The following FBXO36 variants were observed in gnomAD, a reference collection of about 807,000 sequenced individuals.
The protein encoded by FBXO36 is F-box protein 36, also known as F-box only protein 36.
FBXO36 carries 18 observed loss-of-function variants against 17.0 expected under a neutral mutation model. The ratio of observed to expected loss-of-function variants is 1.06; its 90% CI spans 0.73 to 1.57. The LOEUF is 1.57. FBXO36 is among the 40% of genes most tolerant of loss of function. FBXO36 has a pLI of 0.00. For missense variants in FBXO36, 229 were observed against 221.9 expected, an observed-to-expected ratio of 1.03 and a Z score of -0.20; for synonymous variants, 83 against 85.3, an observed-to-expected ratio of 0.97 and a Z score of 0.15.
At chr2:229,931,636 C>T (rs1340992970) in intron 1 of FBXO36, among the ~76,000 whole-genome samples, 1 of 152,068 alleles carries the variant, frequency 6.6e-6, no homozygotes, top group Non-Finnish European at 1.5e-5. Flanking sequence ...ATCAGGGGTT[C>T]GAGACCAGCC....
Position 230,003,553 on chromosome 2 carries a change from C to T in FBXO36, c.378+6630C>T, listed in dbSNP as rs539277342. On this transcript the variant is annotated intron_variant, in intron 3 of 3. Transcript: ENST00000283946. Reference sequence around the variant, plus strand: ...GTTCTTCTTCTTTTTTTTTTTTTGACACGGAGTCTTGCTGTGTTGCCCAGG... The same window carrying T: ...GTTCTTCTTCTTTTTTTTTTTTTGATACGGAGTCTTGCTGTGTTGCCCAGG... Among the ~76,000 whole-genome samples, 518 of 148,388 alleles carry T rather than the reference C, an allele frequency of 3.5e-3. 5 individuals are homozygous for T. Among genetic ancestry groups the T allele is most frequent in the African/African-American group, 0.012 (494 of 40,292 alleles).
Position 229,954,715 on chromosome 2 carries a change from T to C in FBXO36, c.97-21526T>C, listed in dbSNP as rs566177772. Among the ~76,000 whole-genome samples the C allele has an allele frequency of 3.4e-4, 49 of 145,302 alleles. 1 individual carries two copies. The highest frequency in any genetic ancestry group is 1.2e-3 in the African/African-American group (48 of 39,018). ...GGCACCCGCCATCACGCCTGGCTAATTTTTTGTATTTTTAGTGGAGACGGG... is the reference window on the plus strand; with the variant it reads ...GGCACCCGCCATCACGCCTGGCTAACTTTTTGTATTTTTAGTGGAGACGGG... On this transcript the variant is annotated intron_variant, in intron 1 of 3. Coordinates refer to ENST00000283946, the MANE Select transcript of FBXO36 (RefSeq NM_174899.5).
intron 2 of FBXO36, among the ~76,000 whole-genome samples, chr2:229,996,281 TAA>T (rs1371638660): frequency 4.7e-5 from 7 of 149,692 alleles, no homozygotes; most frequent in Non-Finnish European, 8.9e-5. Flanking sequence ...AAAAAAAAAA[TAA>T]GTTAAATAAG....
At chr2:229,956,296 T>C (rs1360751524) in intron 1 of FBXO36, among the ~76,000 whole-genome samples, 1 of 152,232 alleles carries the variant, frequency 6.6e-6, no homozygotes, top group African/African-American at 2.4e-5. Flanking sequence ...TGCTGTGTCC[T>C]GCCATGGTCT....
intron 3 of FBXO36, among the ~76,000 whole-genome samples, chr2:230,008,407 A>G (rs720041): frequency 0.28 from 41,907 of 152,066 alleles, 6,088 homozygotes; most frequent in Middle Eastern, 0.38. Flanking sequence ...TGAGTAGCCA[A>G]AACTATAGAA....
chr2:229,983,008 G>A (rs970114258), intron 2 of FBXO36, among the ~76,000 whole-genome samples: 2 of 151,902 alleles, frequency 1.3e-5, no homozygotes, highest in African/African-American at 4.8e-5. Context: ...TTTGAGACAG[G>A]ATCTCACTCT....
intron 1 of FBXO36, among the ~76,000 whole-genome samples, chr2:229,924,076 C>G (rs1017289991): frequency 2.1e-5 from 3 of 146,268 alleles, no homozygotes; most frequent in Non-Finnish European, 4.5e-5. Context: ...ATTGATTTTT[C>G]CATTTGTTTT....
At chr2:229,975,224 C>T (rs2077201038) in intron 1 of FBXO36, among the ~76,000 whole-genome samples, 1 of 152,104 alleles carries the variant, frequency 6.6e-6, no homozygotes, top group South Asian at 2.1e-4. Context: ...TGTGTAATGA[C>T]ACTTTTTCAT....
At chr2:229,939,250 G>C (rs960623765) in intron 1 of FBXO36, 10 of 985,042 alleles carry the variant, frequency 1.0e-5, no homozygotes, top group Non-Finnish European at 1.2e-5. Context: ...TCGTAATAAT[G>C]TTTCAAGGAT....
chr2:229,998,341 G>A (rs1020367080), intron 3 of FBXO36, among the ~76,000 whole-genome samples: 3 of 151,962 alleles, frequency 2.0e-5, no homozygotes, highest in South Asian at 4.2e-4. Context: ...TGAGTGTTAT[G>A]GCCGGGCGCG....
chr2:229,947,471 C>A (rs1207636944), intron 1 of FBXO36, among the ~76,000 whole-genome samples: 2 of 152,176 alleles, frequency 1.3e-5, no homozygotes, highest in Non-Finnish European at 2.9e-5. Flanking sequence ...ACTCCTTGGC[C>A]TTCTATGCCA....
intron 1 of FBXO36, among the ~76,000 whole-genome samples, chr2:229,949,741 C>G (rs950979472): frequency 1.3e-5 from 2 of 151,834 alleles, no homozygotes; most frequent in Middle Eastern, 3.2e-3. Flanking sequence ...CTGGCTGACA[C>G]GGTGAAACCC....
intron 1 of FBXO36, among the ~76,000 whole-genome samples, chr2:229,930,549 G>A (rs1222445709): frequency 1.3e-5 from 2 of 151,890 alleles, no homozygotes; most frequent in African/African-American, 2.4e-5. Flanking sequence ...TCGGGAGGTC[G>A]AGACCAGCCT....
chr2:230,005,778 C>T (rs2077384204), intron 3 of FBXO36, among the ~76,000 whole-genome samples: 1 of 152,184 alleles, frequency 6.6e-6, no homozygotes, highest in Non-Finnish European at 1.5e-5. Flanking sequence ...AGTGATTCTC[C>T]TGCCTCAGCC....
chr2:230,010,756 C>T lies in FBXO36; in HGVS notation c.439C>T (p.Pro147Ser), dbSNP rs942514590. 3 of 1,613,844 alleles carry T rather than the reference C, an allele frequency of 1.9e-6. No homozygotes were observed. The highest frequency in any genetic ancestry group is 2.5e-6 in the Non-Finnish European group (3 of 1,179,860). Residue 147 changes from proline (P) to serine (S), a missense_variant, in exon 4 of 4, where the codon CCT becomes TCT. Physicochemically the swap from Pro to Ser is moderately conservative, Grantham distance 74 (BLOSUM62 -1). Coordinates refer to ENST00000283946, the MANE Select transcript of FBXO36 (RefSeq NM_174899.5). ...IVQSTCDTIT[P>S]DVRALAEDTG... ...CCAGTCGACCTGCGACACCATCACTCCTGACGTGAGGGCCCTGGCGGAGGA... is the reference window on the plus strand; with the variant it reads ...CCAGTCGACCTGCGACACCATCACTTCTGACGTGAGGGCCCTGGCGGAGGA...
At chr2:229,936,058 G>A (rs992177513) in intron 1 of FBXO36, among the ~76,000 whole-genome samples, 1 of 152,058 alleles carries the variant, frequency 6.6e-6, no homozygotes, top group South Asian at 2.1e-4. Flanking sequence ...TGTGGTGGTG[G>A]ACGCTTGTAA....
intron 3 of FBXO36, among the ~76,000 whole-genome samples, chr2:230,009,477 GC>G (rs2077403517): frequency 6.6e-6 from 1 of 152,170 alleles, no homozygotes; most frequent in African/African-American, 2.4e-5. Flanking sequence ...GTGTGCAGTG[GC>G]AAAAGTTAAT....
chr2:229,949,536 T>TACACAC (rs2077043906), intron 1 of FBXO36, among the ~76,000 whole-genome samples: 1 of 40,596 alleles, frequency 2.5e-5, no homozygotes, highest in African/African-American at 8.0e-5. Context: ...ATGTAAAATG[T>TACACAC]ATACACACAC....
intron 2 of FBXO36, among the ~76,000 whole-genome samples, chr2:229,991,132 C>T (rs544555342): frequency 6.6e-6 from 1 of 152,220 alleles, no homozygotes; most frequent in African/African-American, 2.4e-5. Context: ...GATGGGGTTT[C>T]ACCATCTTGG....
Sources: gnomAD v4.1 joint callset for allele counts (sites outside exome capture counted in the v4.1 genomes callset) on GRCh38, gnomAD v4.1.1 for gene constraint, MANE v1.5 for transcripts, NCBI Gene and HGNC (gene_info 2026-07-23, HGNC 2026-07-21) for gene names.